UEVLD: variants seen among roughly 807,000 people sequenced by gnomAD.
UEVLD encodes the protein UEV and lactate/malate dehyrogenase domains, also known as ubiquitin-conjugating enzyme E2 variant 3.
Under a neutral mutation model 58.6 loss-of-function variants are expected in UEVLD, and 47 were observed. That is an observed-to-expected ratio of 0.80 (90% CI 0.63 to 1.02). UEVLD has a LOEUF of 1.02. Among genes scored for constraint, UEVLD ranks in the 50% least tolerant of loss-of-function variants. The pLI, the probability that UEVLD is intolerant of heterozygous loss-of-function variation, is 0.00. For synonymous variants in UEVLD, 197 were observed against 195.3 expected (o/e 1.01, Z -0.07); for missense variants, 510 against 550.6 (o/e 0.93, Z 0.74).
intron 4 of UEVLD, among the ~76,000 whole-genome samples, chr11:18,567,526 C>T (rs759440033): frequency 8.5e-5 from 13 of 152,104 alleles, no homozygotes; most frequent in Admixed American, 3.9e-4. Flanking sequence ...GTGAAGCTGG[C>T]AAGTACAAGA....
intron 6 of UEVLD, among the ~76,000 whole-genome samples, chr11:18,562,575 T>C (rs1852094158): frequency 6.7e-6 from 1 of 149,812 alleles, no homozygotes; most frequent in Non-Finnish European, 1.5e-5. Context: ...TTTGTAGAAA[T>C]GGGGATCTCG....
chr11:18,544,221 G>A (rs1851184930), intron 9 of UEVLD, among the ~76,000 whole-genome samples: 4 of 152,124 alleles, frequency 2.6e-5, no homozygotes, highest in Admixed American at 2.6e-4. Flanking sequence ...CTCAAATGTG[G>A]AACAAAGCCA....
intron 3 of UEVLD, among the ~76,000 whole-genome samples, chr11:18,572,445 AT>A (rs1240000637): frequency 6.6e-6 from 1 of 152,060 alleles, no homozygotes; most frequent in East Asian, 1.9e-4. Context: ...AAATGTTTAA[AT>A]TTTTTTTAGC....
chr11:18,581,720 T>C (rs957867525), intron 1 of UEVLD, among the ~76,000 whole-genome samples: 2 of 151,748 alleles, frequency 1.3e-5, no homozygotes, highest in East Asian at 1.9e-4. Flanking sequence ...GGGAAGGTCA[T>C]TCTAAGATGG....
intron 7 of UEVLD, among the ~76,000 whole-genome samples, chr11:18,553,047 T>C (rs1448807596): frequency 6.8e-6 from 1 of 147,718 alleles, no homozygotes; most frequent in Non-Finnish European, 1.5e-5. Context: ...CCCAGCTACT[T>C]GGGAGGCTGA....
At position 18,588,667 on chromosome 11, in the gene UEVLD, C is replaced by A. The variant is rs745925426; in HGVS notation, c.-13G>T. On this transcript the variant is annotated 5_prime_UTR_variant, in exon 1 of 12. Transcript: ENST00000396197. The stretch of plus-strand genomic sequence containing the variant: ...AGTCGAACTCCATCTCCAGGCCGGT[C>A]CCGAGCTAGGTCCCAGGACTCCAGC... 1 of 1,608,160 alleles carries A rather than the reference C, an allele frequency of 6.2e-7. No homozygotes were observed. Among genetic ancestry groups the A allele is most frequent in the Non-Finnish European group, 8.5e-7 (1 of 1,179,732 alleles).
chr11:18,536,464 T>A lies in UEVLD; in HGVS notation c.1066A>T (p.Thr356Ser), dbSNP rs769837947. 29 of 1,613,514 alleles carry A rather than the reference T, an allele frequency of 1.8e-5. No individual in the cohort carries two copies. Among genetic ancestry groups the A allele is most frequent in the Non-Finnish European group, 2.5e-5 (29 of 1,179,522 alleles). The change falls in exon 10 of 12, where the codon ACA becomes TCA. Residue 356 changes from threonine (T) to serine (S), a missense_variant. Physicochemically the swap from Thr to Ser is moderately conservative, Grantham distance 58. Transcript: ENST00000396197. ...IGEQGEDKVLTWSGQEEVVSH... is the reference protein window; with the variant it reads ...IGEQGEDKVLSWSGQEEVVSH... ...ACTACTTCTTCTTGGCCACTCCATG[T>A]GAGCACTAAAATTAGATGAAGAATT...
intron 1 of UEVLD, among the ~76,000 whole-genome samples, chr11:18,585,156 G>T (rs1196016024): frequency 6.6e-6 from 1 of 152,120 alleles, no homozygotes. Context: ...CTCCCAAAGT[G>T]CTGAGATTAC....
intron 5 of UEVLD, among the ~76,000 whole-genome samples, chr11:18,566,039 C>T (rs2134024345): frequency 6.6e-6 from 1 of 151,438 alleles, no homozygotes; most frequent in African/African-American, 2.4e-5. Flanking sequence ...GCTGGGATTA[C>T]AGGCACCTGC....
rs544772405 is a variant in UEVLD at position 18,585,877 on chromosome 11, C to T, written c.42+2736G>A. ...CTTGAACTCCTGACCTCAAGTGATCCGCCCACCTCGGCCTCCCGAAGTGCT... is the reference window on the plus strand; with the variant it reads ...CTTGAACTCCTGACCTCAAGTGATCTGCCCACCTCGGCCTCCCGAAGTGCT... On this transcript the variant is annotated intron_variant, in intron 1 of 11. Transcript: ENST00000396197. 3.3e-5 allele frequency among the ~76,000 whole-genome samples: 5 copies of T among 152,202 alleles called. No homozygotes were observed. The South Asian group carries it at 6.2e-4, about 19-fold the overall frequency.
chr11:18,554,119 C>T (rs4757671), intron 7 of UEVLD, among the ~76,000 whole-genome samples: 30,635 of 151,960 alleles, frequency 0.2, 3,234 homozygotes, highest in East Asian at 0.25. Context: ...GACGGAGTTT[C>T]GCTCTTGTTG....
intron 2 of UEVLD, among the ~76,000 whole-genome samples, chr11:18,576,006 T>C (rs1195317413): frequency 1.3e-5 from 2 of 152,026 alleles, no homozygotes; most frequent in East Asian, 1.9e-4. Context: ...AAGGGAGGGG[T>C]TGAAATTGCC....
chr11:18,545,006 GTATGTATATATACGTGTATA>G (rs1214784005), intron 8 of UEVLD, among the ~76,000 whole-genome samples: 1 of 145,226 alleles, frequency 6.9e-6, no homozygotes, highest in African/African-American at 2.5e-5. Flanking sequence ...ATATATACAC[GTATGTATATATACGTGTATA>G]TATGTGTGTG....
chr11:18,555,740 G>A (rs1851728194), intron 7 of UEVLD, among the ~76,000 whole-genome samples: 1 of 152,122 alleles, frequency 6.6e-6, no homozygotes, highest in Non-Finnish European at 1.5e-5. Context: ...TTGAGGCTAG[G>A]AGTTTAAGAC....
chr11:18,565,009 A>G lies in UEVLD; in HGVS notation c.495T>C (p.Gly165=). ...AGCTCTTTGAATTTGTATCTGAAAC[A>G]CCTAGAAAGAAAGGTGAATTATCCT... The part of the protein sequence containing the change: ...LLAYIAKITE[G]VSDTNSKSWA... Residue 165 remains glycine (G), a splice_region_variant and synonymous_variant, in exon 6 of 12, where the codon GGT becomes GGC. Transcript: ENST00000396197. 6.3e-7 allele frequency: 1 copy of G among 1,598,294 alleles called. No homozygotes were observed. The highest frequency in any genetic ancestry group is 8.6e-7 in the Non-Finnish European group (1 of 1,168,582).
At chr11:18,536,634 AC>A in intron 9 of UEVLD, 165 bp from the exon 10 acceptor site, 1 of 581,262 alleles carries the variant, frequency 1.7e-6, no homozygotes, top group Non-Finnish European at 3.0e-6. Flanking sequence ...AATGTGCTGT[AC>A]CACTAGCCCG....
rs1353519781 is a variant in UEVLD, at chr11:18,547,001, A to G, written c.765T>C (p.Ser255=). The G allele has an allele frequency of 6.2e-7, 1 of 1,614,138 alleles. No homozygotes were observed. Among genetic ancestry groups the G allele is most frequent in the East Asian group, 2.2e-5 (1 of 44,884 alleles). The change falls in exon 8 of 12, where the codon TCT becomes TCC. Residue 255 remains serine, a synonymous_variant. Transcript: ENST00000396197. Reference sequence around the variant, plus strand: ...CAAGGTACGACTGAGAACTACCCAAAGAGTTGACTGTGAAGATCACCACCT... The same window carrying G: ...CAAGGTACGACTGAGAACTACCCAAGGAGTTGACTGTGAAGATCACCACCT... The part of the protein sequence containing the change: ...HSKVVIFTVN[S]LGSSQSYLDV...
At position 18,566,495 on chromosome 11, in the gene UEVLD, C is replaced by A; in HGVS notation, c.358-13G>T. ...TGACAGATTTAGGCTGTAGAATACA[C>A]AAAAAACAGAAAAGTTACACAAAAA... On this transcript the variant is annotated splice_polypyrimidine_tract_variant and intron_variant, in intron 4 of 11. Transcript: ENST00000396197. The A allele has an allele frequency of 6.2e-7, 1 of 1,608,126 alleles. No individual in the cohort carries two copies. The highest frequency in any genetic ancestry group is 1.3e-5 in the African/African-American group (1 of 74,558).
intron 6 of UEVLD, among the ~76,000 whole-genome samples, chr11:18,559,033 C>A (rs1205167381): frequency 1.3e-5 from 2 of 151,642 alleles, no homozygotes; most frequent in African/African-American, 4.8e-5. Context: ...CACCACCATG[C>A]CCACCTAATT....
Sources: gnomAD v4.1 joint callset for allele counts (sites outside exome capture counted in the v4.1 genomes callset) on GRCh38, gnomAD v4.1.1 for gene constraint, MANE v1.5 for transcripts, NCBI Gene and HGNC (gene_info 2026-07-23, HGNC 2026-07-21) for gene names.